ARHGAP28: variants seen among roughly 807,000 people sequenced by gnomAD.
The protein encoded by ARHGAP28 is rho GTPase-activating protein 28.
In ARHGAP28, 56 loss-of-function variants were observed where a neutral mutation model predicts 90.7. That is an observed-to-expected ratio of 0.62 (90% CI 0.50 to 0.77). The LOEUF is 0.77. Among genes scored for constraint, ARHGAP28 ranks in the 30% least tolerant of loss-of-function variants. The pLI, the probability that ARHGAP28 is intolerant of heterozygous loss-of-function variation, is 0.00. For missense variants in ARHGAP28, 869 were observed against 900.9 expected (o/e 0.96, Z 0.45); for synonymous variants, 308 against 323.3 (o/e 0.95, Z 0.51).
At chr18:6,770,215 G>A (rs1478875564) in intron 1 of ARHGAP28, among the ~76,000 whole-genome samples, 2 of 152,134 alleles carry the variant, frequency 1.3e-5, no homozygotes, top group Non-Finnish European at 2.9e-5. Context: ...ACTGATTTTT[G>A]TGTTTTCTGT....
intron 15 of ARHGAP28, among the ~76,000 whole-genome samples, chr18:6,895,906 G>A (rs2057301304): frequency 1.3e-5 from 2 of 152,058 alleles, no homozygotes; most frequent in South Asian, 2.1e-4. Flanking sequence ...TATATAAATC[G>A]TGTACATCAC....
intron 4 of ARHGAP28, among the ~76,000 whole-genome samples, chr18:6,854,881 T>C (rs1600250272): frequency 6.6e-6 from 1 of 152,152 alleles, no homozygotes; most frequent in East Asian, 1.9e-4. Flanking sequence ...CGCTCCTGGC[T>C]CCCACTCCAG....
At chr18:6,887,723 G>A (rs1318938593) in intron 12 of ARHGAP28, among the ~76,000 whole-genome samples, 6 of 152,084 alleles carry the variant, frequency 3.9e-5, no homozygotes, top group Admixed American at 2.0e-4. Context: ...ACGCCCGGGC[G>A]GTATGTTCTT....
chr18:6,831,089 A>G (rs983278637), intron 2 of ARHGAP28, among the ~76,000 whole-genome samples: 3 of 152,108 alleles, frequency 2.0e-5, no homozygotes, highest in African/African-American at 7.2e-5. Flanking sequence ...CATCATTGCA[A>G]CACTTGATGC....
In ARHGAP28 at chr18:6,760,247, A is replaced by G. The variant is rs529345256; in HGVS notation, c.122+30304A>G. On this transcript the variant is annotated intron_variant, in intron 1 of 17. Coordinates refer to ENST00000383472, the MANE Select transcript of ARHGAP28 (RefSeq NM_001366230.1). ...CAAATATGATTATTTTCATTTTCCA[A>G]GTAAAAAAATTGTAAGTTTCTGATG... 6.6e-5 allele frequency among the ~76,000 whole-genome samples: 10 copies of G among 152,326 alleles called. No individual in the cohort carries two copies. The East Asian group carries it at 1.9e-3, about 29-fold the overall frequency.
intron 1 of ARHGAP28, among the ~76,000 whole-genome samples, chr18:6,800,171 G>A (rs538843887): frequency 2.8e-4 from 42 of 152,286 alleles, no homozygotes; most frequent in Admixed American, 2.4e-3. Context: ...ACAATCTTAT[G>A]CCAGTTAGAA....
intron 2 of ARHGAP28, among the ~76,000 whole-genome samples, chr18:6,826,121 T>TG (rs1425247958): frequency 1.3e-4 from 19 of 151,518 alleles, no homozygotes; most frequent in Non-Finnish European, 2.2e-4. Flanking sequence ...GCCAGTGTTT[T>TG]TTTTTTTTTT....
At chr18:6,774,755 C>T (rs908812524) in intron 1 of ARHGAP28, among the ~76,000 whole-genome samples, 3 of 152,190 alleles carry the variant, frequency 2.0e-5, no homozygotes, top group Non-Finnish European at 2.9e-5. Flanking sequence ...CTGCTGTCAG[C>T]GCTGGGACAG....
chr18:6,764,915 A>G (rs1310646502), intron 1 of ARHGAP28, among the ~76,000 whole-genome samples: 4 of 152,244 alleles, frequency 2.6e-5, no homozygotes, highest in Non-Finnish European at 5.9e-5. Context: ...TATTGAGTTT[A>G]AACCAAATGA....
intron 14 of ARHGAP28, among the ~76,000 whole-genome samples, chr18:6,891,973 G>A (rs16973422): frequency 0.24 from 37,081 of 151,972 alleles, 4,614 homozygotes; most frequent in Middle Eastern, 0.28. Context: ...AAATGCCAAG[G>A]CAGTGAGGCA....
At chr18:6,827,656 C>T (rs1189638695) in intron 2 of ARHGAP28, among the ~76,000 whole-genome samples, 1 of 151,694 alleles carries the variant, frequency 6.6e-6, no homozygotes, top group Admixed American at 6.5e-5. Flanking sequence ...CCCCCCACCT[C>T]CCTCCTGGAT....
intron 1 of ARHGAP28, among the ~76,000 whole-genome samples, chr18:6,747,618 G>C (rs1332740171): frequency 6.6e-6 from 1 of 152,136 alleles, no homozygotes; most frequent in Non-Finnish European, 1.5e-5. Flanking sequence ...CATTGATTTT[G>C]AAAGAATCAG....
At chr18:6,817,784 A>C (rs547705841) in intron 1 of ARHGAP28, among the ~76,000 whole-genome samples, 1 of 152,288 alleles carries the variant, frequency 6.6e-6, no homozygotes, top group East Asian at 1.9e-4. Context: ...TCAGGAAAAC[A>C]AAGGATTTCA....
At chr18:6,827,598 C>T (rs1409154874) in intron 2 of ARHGAP28, among the ~76,000 whole-genome samples, 1 of 147,816 alleles carries the variant, frequency 6.8e-6, no homozygotes, top group Non-Finnish European at 1.5e-5. Context: ...GGGCTGACCC[C>T]CACCTCCCTC....
chr18:6,899,641 C>T (rs542745573), intron 16 of ARHGAP28, among the ~76,000 whole-genome samples: 3 of 152,290 alleles, frequency 2.0e-5, no homozygotes, highest in Non-Finnish European at 2.9e-5. Context: ...GGTCTGATTC[C>T]AAACCAGGGT....
intron 1 of ARHGAP28, among the ~76,000 whole-genome samples, chr18:6,822,664 A>G (rs780332455): frequency 9.9e-5 from 15 of 152,184 alleles, no homozygotes; most frequent in Non-Finnish European, 1.8e-4. Flanking sequence ...GATATTTTAT[A>G]TTTTCCTGAA....
At chr18:6,848,021 T>C (rs9948467) in intron 3 of ARHGAP28, among the ~76,000 whole-genome samples, 108,608 of 151,946 alleles carry the variant, frequency 0.71, 39,012 homozygotes, top group East Asian at 0.84. Flanking sequence ...CAGGTTTTTA[T>C]TGGGGGTTGA....
At chr18:6,842,677 A>G (rs1191766342) in intron 3 of ARHGAP28, among the ~76,000 whole-genome samples, 3 of 152,106 alleles carry the variant, frequency 2.0e-5, no homozygotes, top group Non-Finnish European at 4.4e-5. Flanking sequence ...AGATTGACAG[A>G]TTGATTAGTA....
chr18:6,845,083 A>G (rs958495103), intron 3 of ARHGAP28, among the ~76,000 whole-genome samples: 2 of 151,930 alleles, frequency 1.3e-5, no homozygotes, highest in African/African-American at 2.4e-5. Flanking sequence ...CATTTCAGTT[A>G]TTTTCTTTTC....
Sources: gnomAD v4.1 joint callset for allele counts (sites outside exome capture counted in the v4.1 genomes callset) on GRCh38, gnomAD v4.1.1 for gene constraint, MANE v1.5 for transcripts, NCBI Gene and HGNC (gene_info 2026-07-23, HGNC 2026-07-21) for gene names.